The following PTPRO variants were observed in gnomAD, a reference collection of about 807,000 sequenced individuals.
PTPRO encodes receptor-type tyrosine-protein phosphatase O.
A neutral mutation model predicts 145.2 loss-of-function variants in PTPRO; 62 were observed. That is an observed-to-expected ratio of 0.43 (90% CI 0.35 to 0.53). The LOEUF is 0.53. PTPRO is among the 20% of genes least tolerant of loss of function. PTPRO has a pLI of 0.01. For missense variants in PTPRO, 1,345 were observed against 1,482.7 expected, an observed-to-expected ratio of 0.91 and a Z score of 1.53; for synonymous variants, 565 against 514.7, an observed-to-expected ratio of 1.10 and a Z score of -1.32.
chr12:15,478,820 C>T (rs192510120), intron 1 of PTPRO, among the ~76,000 whole-genome samples: 2 of 152,120 alleles, frequency 1.3e-5, no homozygotes, highest in East Asian at 1.9e-4. Flanking sequence ...TACAGGTGCC[C>T]GCCACCACGC....
intron 1 of PTPRO, among the ~76,000 whole-genome samples, chr12:15,383,379 G>A (rs990952737): frequency 8.5e-5 from 13 of 152,176 alleles, no homozygotes; most frequent in African/African-American, 3.1e-4. Flanking sequence ...ATTGATGGAT[G>A]CACTCTGTTC....
intron 1 of PTPRO, among the ~76,000 whole-genome samples, chr12:15,439,141 G>T (rs1210788546): frequency 6.6e-5 from 10 of 152,116 alleles, no homozygotes; most frequent in Admixed American, 4.6e-4. Flanking sequence ...TTAAAGAAAA[G>T]AAATTCCAAC....
chr12:15,347,212 A>G (rs17348523), intron 1 of PTPRO, among the ~76,000 whole-genome samples: 6,247 of 152,274 alleles, frequency 0.041, 200 homozygotes, highest in Non-Finnish European at 0.064. Context: ...GCTATCTGGA[A>G]AAGTCCTGTT....
At chr12:15,389,177 C>T (rs1939118400) in intron 1 of PTPRO, among the ~76,000 whole-genome samples, 1 of 150,988 alleles carries the variant, frequency 6.6e-6, no homozygotes, top group South Asian at 2.1e-4. Flanking sequence ...GATCTCGGCT[C>T]ACTGCAAGCT....
chr12:15,421,933 G>A (rs1940158137), intron 1 of PTPRO, among the ~76,000 whole-genome samples: 1 of 151,704 alleles, frequency 6.6e-6, no homozygotes, highest in Non-Finnish European at 1.5e-5. Flanking sequence ...GACATGCTTA[G>A]AACAATACCT....
chr12:15,589,863 C>T (rs1205855188), intron 25 of PTPRO, among the ~76,000 whole-genome samples: 1 of 152,152 alleles, frequency 6.6e-6, no homozygotes, highest in Non-Finnish European at 1.5e-5. Context: ...TGAACAGACT[C>T]AGAGTCAATT....
intron 1 of PTPRO, among the ~76,000 whole-genome samples, chr12:15,482,387 G>C (rs1468451822): frequency 6.6e-6 from 1 of 151,602 alleles, no homozygotes; most frequent in South Asian, 2.1e-4. Context: ...GGAGAGAGAG[G>C]GGGACAGCCA....
chr12:15,403,859 C>G (rs1939570795), intron 1 of PTPRO, among the ~76,000 whole-genome samples: 1 of 151,940 alleles, frequency 6.6e-6, no homozygotes, highest in East Asian at 1.9e-4. Flanking sequence ...TTCATGAGTA[C>G]AGAGATCCCA....
intron 1 of PTPRO, among the ~76,000 whole-genome samples, chr12:15,374,362 C>G: frequency 6.6e-6 from 1 of 152,144 alleles, no homozygotes; most frequent in Non-Finnish European, 1.5e-5. Flanking sequence ...TTTCAGAACT[C>G]TGAAAATTAG....
At chr12:15,462,874 T>A (rs1941336727) in intron 1 of PTPRO, among the ~76,000 whole-genome samples, 1 of 152,182 alleles carries the variant, frequency 6.6e-6, no homozygotes, top group Non-Finnish European at 1.5e-5. Context: ...CTTTCTTACT[T>A]TGAAGCTAAA....
At chr12:15,436,626 G>T (rs2136350403) in intron 1 of PTPRO, among the ~76,000 whole-genome samples, 1 of 152,336 alleles carries the variant, frequency 6.6e-6, no homozygotes, top group South Asian at 2.1e-4. Context: ...GTGAAGGAAA[G>T]ACACCAGGAA....
chr12:15,346,049 G>A (rs1318742132), intron 1 of PTPRO, among the ~76,000 whole-genome samples: 1 of 152,040 alleles, frequency 6.6e-6, no homozygotes, highest in Non-Finnish European at 1.5e-5. Flanking sequence ...TTTCTCTGGT[G>A]CCTTGATCAT....
intron 1 of PTPRO, among the ~76,000 whole-genome samples, chr12:15,388,246 T>C (rs1008051211): frequency 3.9e-5 from 6 of 152,134 alleles, no homozygotes; most frequent in Non-Finnish European, 7.4e-5. Context: ...TAGAAAGTTT[T>C]AAATTTTACC....
At chr12:15,563,888 G>T (rs1391538398) in intron 17 of PTPRO, among the ~76,000 whole-genome samples, 1 of 152,096 alleles carries the variant, frequency 6.6e-6, no homozygotes, top group Non-Finnish European at 1.5e-5. Context: ...AGTCATCTCC[G>T]CTGACATTCT....
At chr12:15,436,415 A>G (rs1194868418) in intron 1 of PTPRO, among the ~76,000 whole-genome samples, 6 of 152,236 alleles carry the variant, frequency 3.9e-5, no homozygotes, top group African/African-American at 1.4e-4. Context: ...ATAGTCTGCC[A>G]AAATTGCTGT....
intron 1 of PTPRO, among the ~76,000 whole-genome samples, chr12:15,453,401 G>A (rs1394681260): frequency 1.3e-5 from 2 of 152,180 alleles, no homozygotes; most frequent in Non-Finnish European, 2.9e-5. Context: ...TTTATATTGA[G>A]TCTTAACAGT....
At chr12:15,457,552 A>G (rs1941207840) in intron 1 of PTPRO, among the ~76,000 whole-genome samples, 2 of 152,092 alleles carry the variant, frequency 1.3e-5, no homozygotes, top group Non-Finnish European at 2.9e-5. Flanking sequence ...CTGACCTGCA[A>G]TTCTTTTATC....
At chr12:15,454,443 G>A (rs1390338853) in intron 1 of PTPRO, among the ~76,000 whole-genome samples, 2 of 152,186 alleles carry the variant, frequency 1.3e-5, no homozygotes, top group African/African-American at 4.8e-5. Flanking sequence ...AGTTGAAAGA[G>A]TTCCTTATAT....
At chr12:15,450,980 A>G (rs1286690451) in intron 1 of PTPRO, among the ~76,000 whole-genome samples, 1 of 152,124 alleles carries the variant, frequency 6.6e-6, no homozygotes, top group East Asian at 1.9e-4. Flanking sequence ...GGTACCTCCC[A>G]TCTCAATACT....
Sources: allele counts gnomAD v4.1 joint callset (sites outside exome capture counted in the v4.1 genomes callset), GRCh38; gene constraint gnomAD v4.1.1; transcripts MANE v1.5; gene names NCBI Gene and HGNC (gene_info 2026-07-23, HGNC 2026-07-21).